Variants in SNRPF observed in about 807,000 individuals in gnomAD.
The protein encoded by SNRPF is small nuclear ribonucleoprotein polypeptide F, also known as small nuclear ribonucleoprotein F.
In SNRPF, 1 loss-of-function variant was observed where a neutral mutation model predicts 13.4. That is an observed-to-expected ratio of 0.07 (90% confidence interval 0.03 to 0.35). The LOEUF (loss-of-function observed/expected upper bound fraction) is 0.35, where lower values mean the gene tolerates loss of function less well. SNRPF is among the 10% of genes least tolerant of loss of function. SNRPF has a pLI of 0.99. For synonymous variants in SNRPF, 27 were observed against 32.1 expected (o/e 0.84, Z 0.54); for missense variants, 53 against 101.0 (o/e 0.52, Z 2.04).
At chr12:95,859,231 C>T (rs1159498363) in intron 1 of SNRPF, among the ~76,000 whole-genome samples, 155 bp downstream of exon 1, 2 of 151,820 alleles carry the variant, frequency 1.3e-5, no homozygotes, top group Non-Finnish European at 2.9e-5. Flanking sequence ...TTTTAGGTTT[C>T]TGAGGCGCGT....
chr12:95,865,179 G>C, intron 2 of SNRPF, 145 bp from the exon 3 acceptor site: 2 of 435,114 alleles, frequency 4.6e-6, no homozygotes. Flanking sequence ...GTAATAGAAA[G>C]CTCATCTTCT....
intron 2 of SNRPF, among the ~76,000 whole-genome samples, chr12:95,864,694 C>A (rs1483327721): frequency 6.6e-6 from 1 of 152,192 alleles, no homozygotes; most frequent in Non-Finnish European, 1.5e-5. Flanking sequence ...CACTTGAAGG[C>A]AGAAATTCAA....
At position 95,859,011 on chromosome 12, in the gene SNRPF, C is replaced by T; in HGVS notation, c.-63C>T. The T allele has an allele frequency of 1.2e-6, 2 of 1,605,714 alleles. No homozygotes were observed. Among genetic ancestry groups the T allele is most frequent in the African/African-American group, 1.3e-5 (1 of 75,010 alleles). On this transcript the variant is annotated 5_prime_UTR_variant, in exon 1 of 4. Coordinates refer to ENST00000266735, the MANE Select transcript of SNRPF (RefSeq NM_003095.5). ...CGGGACCTGCGGTACCTGCTGTAGT[C>T]ACGAGGGACGGGCGGCGGCCTGGTC...
intron 2 of SNRPF, among the ~76,000 whole-genome samples, chr12:95,864,315 T>TA (rs1360923083): frequency 4.6e-5 from 7 of 152,234 alleles, no homozygotes; most frequent in Non-Finnish European, 1.5e-5. Context: ...CATCACTCCT[T>TA]AGTTCCTTCT....
intron 1 of SNRPF, among the ~76,000 whole-genome samples, chr12:95,860,369 C>T (rs1169264918): frequency 6.6e-6 from 1 of 152,196 alleles, no homozygotes; most frequent in Non-Finnish European, 1.5e-5. Context: ...TTTTCCCGCT[C>T]TGGAAATAAA....
At chr12:95,862,052 C>T (rs1408366326) in intron 2 of SNRPF, among the ~76,000 whole-genome samples, 3 of 152,192 alleles carry the variant, frequency 2.0e-5, no homozygotes, top group Non-Finnish European at 4.4e-5. Flanking sequence ...TAACTAACCC[C>T]TGGTAACCAC....
chr12:95,864,580 T>A (rs766053023), intron 2 of SNRPF, among the ~76,000 whole-genome samples: 8 of 152,244 alleles, frequency 5.3e-5, no homozygotes, highest in Non-Finnish European at 1.0e-4. Flanking sequence ...TAAGAACTTG[T>A]TTTTCCCTGT....
chr12:95,860,852 CTTTTT>C (rs10689270), intron 1 of SNRPF, among the ~76,000 whole-genome samples: 1 of 96,564 alleles, frequency 1.0e-5, no homozygotes, highest in South Asian at 4.1e-4. Context: ...ACCTGGCCCG[CTTTTT>C]TTTTTTTTTT....
At chr12:95,859,719 CAGAA>C (rs2079485773) in intron 1 of SNRPF, among the ~76,000 whole-genome samples, 1 of 152,122 alleles carries the variant, frequency 6.6e-6, no homozygotes, top group African/African-American at 2.4e-5. Context: ...GAGAAATTGA[CAGAA>C]AGGTATAGCC....
At chr12:95,862,440 G>A (rs546042602) in intron 2 of SNRPF, among the ~76,000 whole-genome samples, 10 of 152,284 alleles carry the variant, frequency 6.6e-5, no homozygotes, top group African/African-American at 1.7e-4. Context: ...GAGGCCAAGC[G>A]TGGTGGCTCA....
intron 1 of SNRPF, among the ~76,000 whole-genome samples, 167 bp downstream of exon 1, chr12:95,859,243 C>T (rs2121388338): frequency 6.6e-6 from 1 of 152,254 alleles, no homozygotes; most frequent in East Asian, 1.9e-4. Context: ...GAGGCGCGTG[C>T]TCCTCCCGAT....
intron 1 of SNRPF, among the ~76,000 whole-genome samples, chr12:95,860,672 C>T (rs888294117): frequency 6.6e-6 from 1 of 152,062 alleles, no homozygotes; most frequent in East Asian, 1.9e-4. Context: ...GTCCTCCCAC[C>T]TCATCCTCCC....
At chr12:95,865,574 T>C (rs2079517317) in intron 3 of SNRPF, among the ~76,000 whole-genome samples, 186 bp downstream of exon 3, 1 of 152,224 alleles carries the variant, frequency 6.6e-6, no homozygotes, top group Non-Finnish European at 1.5e-5. Context: ...TTCAAATGTT[T>C]TGGAACTGGC....
chr12:95,860,340 C>G (rs1310398603), intron 1 of SNRPF, among the ~76,000 whole-genome samples: 2 of 152,188 alleles, frequency 1.3e-5, no homozygotes, highest in African/African-American at 4.8e-5. Flanking sequence ...AAGTAGCTAG[C>G]CTTGCCTGGA....
chr12:95,861,128 G>T lies in SNRPF; in HGVS notation c.4-40G>T, dbSNP rs774737682. 1.9e-6 allele frequency: 3 copies of T among 1,572,306 alleles called. No individual in the cohort carries two copies. The South Asian group carries it at 3.5e-5, about 18-fold the overall frequency. ...GGTAGAAGAGAGTTGGTGGTGGGAG[G>T]AAAAATAATTAATTAGATCCTTTTT... is the stretch of plus-strand genomic sequence containing the variant. On this transcript the variant is annotated intron_variant, in intron 1 of 3. Transcript: ENST00000266735.
At chr12:95,861,543 T>C in intron 2 of SNRPF, 1 of 294,384 alleles carries the variant, frequency 3.4e-6, no homozygotes, top group Non-Finnish European at 6.4e-6. Context: ...ACTTGATTCA[T>C]AATAATACCA....
chr12:95,859,907 A>C (rs2079486775), intron 1 of SNRPF, among the ~76,000 whole-genome samples: 1 of 152,224 alleles, frequency 6.6e-6, no homozygotes, highest in African/African-American at 2.4e-5. Flanking sequence ...ACTTTAAAAA[A>C]TCATAGTTAC....
chr12:95,859,466 G>A (rs1235649558), intron 1 of SNRPF, among the ~76,000 whole-genome samples: 1 of 152,202 alleles, frequency 6.6e-6, no homozygotes, highest in Non-Finnish European at 1.5e-5. Flanking sequence ...ACAGACATTA[G>A]TCAAAAAATA....
chr12:95,861,074 A>C, intron 1 of SNRPF, 94 bp from the exon 2 acceptor site: 1 of 1,220,812 alleles, frequency 8.2e-7, no homozygotes, highest in Non-Finnish European at 1.1e-6. Context: ...AGTTTTCTTC[A>C]TTTGCATACC....
Sources: gnomAD v4.1 joint callset for allele counts (sites outside exome capture counted in the v4.1 genomes callset) on GRCh38, gnomAD v4.1.1 for gene constraint, MANE v1.5 for transcripts, NCBI Gene and HGNC (gene_info 2026-07-23, HGNC 2026-07-21) for gene names.